The following GREM2 variants were observed in gnomAD, a reference collection of about 807,000 sequenced individuals.
GREM2 encodes gremlin 2, DAN family BMP antagonist.
GREM2 carries 11 observed loss-of-function variants against 14.2 expected under a neutral mutation model. The ratio of observed to expected loss-of-function variants is 0.78; its 90% CI spans 0.49 to 1.28. GREM2 has a LOEUF of 1.28. GREM2 is among the 50% of genes most tolerant of loss of function. GREM2 has a pLI of 0.00. For missense variants in GREM2, 210 were observed against 218.5 expected (o/e 0.96, Z 0.24); for synonymous variants, 98 against 97.6 (o/e 1.00, Z -0.02).
chr1:240,601,509 TAA>T (rs1679923594), intron 1 of GREM2, among the ~76,000 whole-genome samples: 1 of 152,220 alleles, frequency 6.6e-6, no homozygotes, highest in Non-Finnish European at 1.5e-5. Context: ...AGAGGCTGTG[TAA>T]AGTTAGGAAA....
At chr1:240,529,314 A>G (rs942748759) in intron 1 of GREM2, among the ~76,000 whole-genome samples, 1 of 129,184 alleles carries the variant, frequency 7.7e-6, no homozygotes, top group Non-Finnish European at 1.6e-5. Context: ...TGGTGATTGT[A>G]TATTTGCATC....
intron 1 of GREM2, among the ~76,000 whole-genome samples, chr1:240,519,029 C>T (rs1343222976): frequency 6.6e-6 from 1 of 152,234 alleles, no homozygotes; most frequent in African/African-American, 2.4e-5. Context: ...CACATACATA[C>T]ATATTAGGCT....
At chr1:240,554,450 C>A (rs568150753) in intron 1 of GREM2, among the ~76,000 whole-genome samples, 1 of 151,606 alleles carries the variant, frequency 6.6e-6, no homozygotes, top group South Asian at 2.1e-4. Context: ...CTATGTTGCC[C>A]AAATAGTCCT....
chr1:240,569,152 C>T (rs888810533), intron 1 of GREM2, among the ~76,000 whole-genome samples: 2 of 152,022 alleles, frequency 1.3e-5, no homozygotes, highest in Admixed American at 6.6e-5. Flanking sequence ...AAAAGATGTA[C>T]AAATGCGTAC....
intron 1 of GREM2, among the ~76,000 whole-genome samples, chr1:240,518,711 G>A (rs113419619): frequency 2.2e-4 from 34 of 152,178 alleles, no homozygotes; most frequent in East Asian, 9.7e-4. Context: ...ATAAACACCC[G>A]TTTTCATGGC....
Position 240,540,092 on chromosome 1 carries a change from C to A in GREM2, c.-1-46616G>T, listed in dbSNP as rs751021361. On this transcript the variant is annotated intron_variant, in intron 1 of 1. Coordinates refer to ENST00000318160, the MANE Select transcript of GREM2 (RefSeq NM_022469.4). This position sits in a 1 kb window ranked among gnomAD's most constrained non-coding sequence, Gnocchi z 4.2. Reference sequence around the variant, plus strand: ...GCTGACAGCCACTCTGTTCCTATACCCCTGACTAAATTGCAGTTATGTCTT... The same window carrying A: ...GCTGACAGCCACTCTGTTCCTATACACCTGACTAAATTGCAGTTATGTCTT... Among the ~76,000 whole-genome samples the A allele has an allele frequency of 7.2e-5, 11 of 152,042 alleles. No homozygotes were observed. Among genetic ancestry groups the A allele is most frequent in the Non-Finnish European group, 1.2e-4 (8 of 68,012 alleles).
At chr1:240,535,471 T>C (rs1425518379) in intron 1 of GREM2, among the ~76,000 whole-genome samples, 1 of 152,156 alleles carries the variant, frequency 6.6e-6, no homozygotes, top group African/African-American at 2.4e-5. Flanking sequence ...AAGAATGACA[T>C]CCTTGGTAAA....
chr1:240,502,248 T>C (rs1334142155), intron 1 of GREM2, among the ~76,000 whole-genome samples: 1 of 152,218 alleles, frequency 6.6e-6, no homozygotes, highest in Non-Finnish European at 1.5e-5. Context: ...TGTTCACTCT[T>C]ACTTCAAGCT....
intron 1 of GREM2, among the ~76,000 whole-genome samples, chr1:240,577,967 T>C (rs16840402): frequency 0.039 from 6,010 of 152,242 alleles, 310 homozygotes; most frequent in African/African-American, 0.11. Flanking sequence ...TTAATCCTTG[T>C]AGATATGTAG....
chr1:240,524,106 T>C (rs1678168213), intron 1 of GREM2, among the ~76,000 whole-genome samples: 1 of 152,222 alleles, frequency 6.6e-6, no homozygotes, highest in African/African-American at 2.4e-5. Flanking sequence ...AACCTCAAAC[T>C]TGTGAGCTCA....
At chr1:240,549,276 C>T (rs925369738) in intron 1 of GREM2, among the ~76,000 whole-genome samples, 9 of 149,884 alleles carry the variant, frequency 6.0e-5, no homozygotes, top group Admixed American at 3.3e-4. Flanking sequence ...GCGGAGGTTG[C>T]GGTGAGCCAA....
At chr1:240,537,885 A>G (rs1208149464) in intron 1 of GREM2, among the ~76,000 whole-genome samples, 1 of 152,260 alleles carries the variant, frequency 6.6e-6, no homozygotes, top group African/African-American at 2.4e-5. Flanking sequence ...CATACATACC[A>G]TGCAAAATAT....
chr1:240,596,994 C>T (rs1679831703), intron 1 of GREM2, among the ~76,000 whole-genome samples: 1 of 152,172 alleles, frequency 6.6e-6, no homozygotes, highest in African/African-American at 2.4e-5. Flanking sequence ...CCTGCTCTGT[C>T]CTTCTTTCTC....
At position 240,534,529 on chromosome 1, in the gene GREM2, A is replaced by G. The variant is rs555740248; in HGVS notation, c.-1-41053T>C. The stretch of plus-strand genomic sequence containing the variant: ...ACGGTGAAACCCTGTCTCTACTAAA[A>G]ATACAAAAAAAAATTAGCTGGGCAT... On this transcript the variant is annotated intron_variant, in intron 1 of 1. Coordinates refer to ENST00000318160, the MANE Select transcript of GREM2 (RefSeq NM_022469.4). Among the ~76,000 whole-genome samples, 6 of 152,072 alleles carry G rather than the reference A, an allele frequency of 3.9e-5. No homozygotes were observed. The East Asian group carries it at 9.7e-4, about 25-fold the overall frequency.
chr1:240,569,520 T>G (rs1679221747), intron 1 of GREM2, among the ~76,000 whole-genome samples: 1 of 152,166 alleles, frequency 6.6e-6, no homozygotes, highest in African/African-American at 2.4e-5. Flanking sequence ...AGAAAAAGAA[T>G]AGTTTGCCCA....
intron 1 of GREM2, among the ~76,000 whole-genome samples, chr1:240,605,100 C>T (rs1251084890): frequency 1.3e-5 from 2 of 152,134 alleles, no homozygotes; most frequent in Admixed American, 1.3e-4. Context: ...ATGTGAGGTC[C>T]CGTTCCAGCC....
At chr1:240,533,342 T>C (rs916493082) in intron 1 of GREM2, among the ~76,000 whole-genome samples, 3 of 152,160 alleles carry the variant, frequency 2.0e-5, no homozygotes, top group African/African-American at 7.2e-5. Context: ...TGTGAGGGCA[T>C]TGCATGTTCT....
chr1:240,559,750 T>C (rs1175246611), intron 1 of GREM2, among the ~76,000 whole-genome samples: 4 of 152,252 alleles, frequency 2.6e-5, no homozygotes, highest in Non-Finnish European at 4.4e-5. Context: ...TTGCAAATAC[T>C]GTCAGTTGCG....
At chr1:240,604,756 G>A (rs1281039996) in intron 1 of GREM2, among the ~76,000 whole-genome samples, 4 of 152,298 alleles carry the variant, frequency 2.6e-5, no homozygotes, top group South Asian at 2.1e-4. Flanking sequence ...CCCCGAGTTC[G>A]GGACCAGCTT....
Sources: gnomAD v4.1 joint callset for allele counts (sites outside exome capture counted in the v4.1 genomes callset) on GRCh38, gnomAD v4.1.1 for gene constraint, Gnocchi (gnomAD v3.1) non-coding constraint, MANE v1.5 for transcripts, NCBI Gene and HGNC (gene_info 2026-07-23, HGNC 2026-07-21) for gene names.